NFIB: variants seen among roughly 807,000 people sequenced by gnomAD.
NFIB encodes nuclear factor I B, also known as nuclear factor 1 B-type.
A neutral mutation model predicts 61.5 loss-of-function variants in NFIB; 11 were observed. The observed-to-expected ratio is 0.18, with a 90% confidence interval of 0.11 to 0.30. The LOEUF (loss-of-function observed/expected upper bound fraction) is 0.30. NFIB is among the 10% of genes least tolerant of loss of function. The pLI is 1.00. For missense variants in NFIB, 471 were observed against 608.9 expected (o/e 0.77, Z 2.38); for synonymous variants, 260 against 216.5 (o/e 1.20, Z -1.76).
At chr9:14,162,543 G>T (rs1465879137) in intron 3 of NFIB, among the ~76,000 whole-genome samples, 2 of 151,858 alleles carry the variant, frequency 1.3e-5, no homozygotes, top group African/African-American at 4.8e-5. Flanking sequence ...GGAAATTTTT[G>T]TATTTTATTT....
chr9:14,304,464 A>G (rs548871386), intron 2 of NFIB, among the ~76,000 whole-genome samples: 1 of 152,228 alleles, frequency 6.6e-6, no homozygotes, highest in Non-Finnish European at 1.5e-5. Flanking sequence ...GCCAACTAAC[A>G]AATCACAGGC....
At chr9:14,119,822 AG>A (rs1216792249) in intron 8 of NFIB, among the ~76,000 whole-genome samples, 1 of 152,160 alleles carries the variant, frequency 6.6e-6, no homozygotes, top group East Asian at 1.9e-4. Context: ...CCATATGTCT[AG>A]GGGAGTGAGA....
chr9:14,088,833 TTTC>T (rs1417317729), intron 10 of NFIB, among the ~76,000 whole-genome samples: 6 of 152,170 alleles, frequency 3.9e-5, no homozygotes, highest in Non-Finnish European at 7.3e-5. Flanking sequence ...GTGAAAGATA[TTTC>T]TTTTCTCCTT....
At chr9:14,227,643 GATA>G (rs2052600209) in intron 2 of NFIB, among the ~76,000 whole-genome samples, 1 of 152,122 alleles carries the variant, frequency 6.6e-6, no homozygotes, top group African/African-American at 2.4e-5. Context: ...TGTTGTTGAT[GATA>G]ATAACCACCC....
At chr9:14,430,876 C>A in the NFIB span, among the ~76,000 whole-genome samples, 4 of 152,152 alleles carry the variant, frequency 2.6e-5, no homozygotes, top group African/African-American at 9.7e-5. Context: ...GCCACCACGT[C>A]CGGCCCTGAA....
the NFIB span, among the ~76,000 whole-genome samples, chr9:14,422,761 C>T: frequency 2.5e-4 from 38 of 152,132 alleles, no homozygotes; most frequent in Non-Finnish European, 8.8e-5. Context: ...ACCACTTCTG[C>T]GACTGAGGAA....
At chr9:14,321,461 A>G (rs1006062788) in intron 1 of NFIB, among the ~76,000 whole-genome samples, 1 of 152,238 alleles carries the variant, frequency 6.6e-6, no homozygotes, top group African/African-American at 2.4e-5. Context: ...AATCAGAGTT[A>G]AATAGTACTT....
intron 2 of NFIB, among the ~76,000 whole-genome samples, chr9:14,294,557 A>G (rs868612694): frequency 2.0e-5 from 3 of 152,218 alleles, no homozygotes; most frequent in Middle Eastern, 3.2e-3. Flanking sequence ...TATCCCATGA[A>G]CAGAACTGCT....
At chr9:14,366,611 G>A (rs921338323) in intron 1 of NFIB, among the ~76,000 whole-genome samples, 10 of 151,790 alleles carry the variant, frequency 6.6e-5, no homozygotes, top group Non-Finnish European at 1.5e-4. Context: ...GCAGCCTCCC[G>A]AGTAGTTGGG....
At chr9:14,451,278 C>T in the NFIB span, among the ~76,000 whole-genome samples, 1 of 152,160 alleles carries the variant, frequency 6.6e-6, no homozygotes, top group East Asian at 1.9e-4. Context: ...TAGGTGTTCA[C>T]CAGTTTATTC....
chr9:14,289,279 T>G (rs2058936802), intron 2 of NFIB, among the ~76,000 whole-genome samples: 1 of 150,954 alleles, frequency 6.6e-6, no homozygotes, highest in Non-Finnish European at 1.5e-5. Context: ...TGTACATACA[T>G]TAATATATAT....
At chr9:14,292,777 C>T (rs1251942267) in intron 2 of NFIB, among the ~76,000 whole-genome samples, 2 of 152,162 alleles carry the variant, frequency 1.3e-5, no homozygotes, top group Non-Finnish European at 2.9e-5. Context: ...ATTCCATTAT[C>T]AGGTCACTAA....
intron 6 of NFIB, among the ~76,000 whole-genome samples, chr9:14,142,234 G>C (rs904408524): frequency 6.6e-6 from 1 of 152,110 alleles, no homozygotes; most frequent in Non-Finnish European, 1.5e-5. Context: ...TGAGTTATGG[G>C]GGCAGATCTT....
chr9:14,524,351 G>T, the NFIB span, among the ~76,000 whole-genome samples: 1 of 151,962 alleles, frequency 6.6e-6, no homozygotes, highest in Non-Finnish European at 1.5e-5. Context: ...AACAGTTGCT[G>T]GTAATATTCT....
the NFIB span, among the ~76,000 whole-genome samples, chr9:14,442,520 G>C: frequency 3.3e-5 from 5 of 152,256 alleles, no homozygotes; most frequent in Non-Finnish European, 7.4e-5. Flanking sequence ...CAGTTCTAGA[G>C]GCTACAAGGA....
intron 2 of NFIB, among the ~76,000 whole-genome samples, chr9:14,280,537 C>T (rs948641511): frequency 3.3e-5 from 5 of 152,146 alleles, no homozygotes; most frequent in Admixed American, 6.5e-5. Flanking sequence ...TATTTTCTAT[C>T]AGATTAGTGC....
intron 2 of NFIB, among the ~76,000 whole-genome samples, chr9:14,269,723 T>C (rs1332625874): frequency 1.3e-5 from 2 of 152,232 alleles, no homozygotes; most frequent in African/African-American, 4.8e-5. Flanking sequence ...TATACCTATA[T>C]GTCCCGATTT....
chr9:14,427,937 G>GTTGTTTTTTTT, the NFIB span, among the ~76,000 whole-genome samples: 5 of 43,384 alleles, frequency 1.2e-4, no homozygotes, highest in East Asian at 1.6e-3. Flanking sequence ...TAATTCAGTT[G>GTTGTTTTTTTT]TTTTTTTTTT....
At chr9:14,474,493 C>T in the NFIB span, among the ~76,000 whole-genome samples, 2 of 152,142 alleles carry the variant, frequency 1.3e-5, no homozygotes, top group Non-Finnish European at 2.9e-5. Flanking sequence ...GCATTCGCCC[C>T]GTTTTCTCAA....
Sources: allele counts gnomAD v4.1 joint callset (sites outside exome capture counted in the v4.1 genomes callset), GRCh38; gene constraint gnomAD v4.1.1; transcripts MANE v1.5; gene names NCBI Gene and HGNC (gene_info 2026-07-23, HGNC 2026-07-21).